SCTR: variants seen among roughly 807,000 people sequenced by gnomAD.
SCTR encodes the protein pancreatic secretin receptor.
In SCTR, 56 loss-of-function variants were observed where a neutral mutation model predicts 60.8. The observed-to-expected ratio is 0.92, with a 90% CI of 0.74 to 1.15. SCTR has a LOEUF of 1.15. Ranked by LOEUF, SCTR falls within the 50% of genes most tolerant of loss-of-function variation. The pLI is 0.00. For synonymous variants in SCTR, 202 were observed against 217.0 expected (o/e 0.93, Z 0.61); for missense variants, 562 against 550.4 (o/e 1.02, Z -0.21).
chr2:119,462,396 G>A (rs1683647911), intron 6 of SCTR, among the ~76,000 whole-genome samples: 1 of 152,200 alleles, frequency 6.6e-6, no homozygotes, highest in Admixed American at 6.5e-5. Flanking sequence ...TGAGCAAAGG[G>A]TTAAAAAAAT....
At chr2:119,494,357 CT>C in intron 2 of SCTR, 70 bp downstream of exon 2, 1 of 1,546,774 alleles carries the variant, frequency 6.5e-7, no homozygotes. Context: ...CCAGGATAAG[CT>C]CCCCCTGCCC....
intron 10 of SCTR, among the ~76,000 whole-genome samples, chr2:119,448,417 T>A (rs543483791): frequency 6.6e-6 from 1 of 152,186 alleles, no homozygotes; most frequent in Non-Finnish European, 1.5e-5. Context: ...TTGAAGCCCA[T>A]GTGGAGACTC....
chr2:119,519,469 G>C (rs1341249683), intron 1 of SCTR, among the ~76,000 whole-genome samples: 1 of 152,058 alleles, frequency 6.6e-6, no homozygotes, highest in Non-Finnish European at 1.5e-5. Flanking sequence ...CAGCTCCTTG[G>C]GCACCAGAAA....
At chr2:119,467,338 C>T (rs1355850792) in intron 4 of SCTR, among the ~76,000 whole-genome samples, 1 of 150,686 alleles carries the variant, frequency 6.6e-6, no homozygotes, top group Non-Finnish European at 1.5e-5. Context: ...GAGATTGCAC[C>T]ACTGCACTCC....
intron 4 of SCTR, among the ~76,000 whole-genome samples, chr2:119,469,629 A>G (rs1371942224): frequency 1.3e-5 from 2 of 152,180 alleles, no homozygotes; most frequent in Non-Finnish European, 2.9e-5. Flanking sequence ...AGCTAAGACT[A>G]CAGGCAAGTG....
chr2:119,522,307 A>G (rs1679312555), intron 1 of SCTR, among the ~76,000 whole-genome samples: 1 of 152,074 alleles, frequency 6.6e-6, no homozygotes, highest in Admixed American at 6.5e-5. Context: ...AAAAGAAAAA[A>G]AAAAAAGAAA....
chr2:119,464,446 T>C (rs1279522711), intron 5 of SCTR, among the ~76,000 whole-genome samples, 191 bp from the exon 6 acceptor site: 3 of 141,354 alleles, frequency 2.1e-5, no homozygotes, highest in Admixed American at 7.1e-5. Flanking sequence ...TGCTACATGC[T>C]GCAGTGAGAA....
chr2:119,444,394 CAT>C (rs1366091998), intron 11 of SCTR, among the ~76,000 whole-genome samples: 1 of 5,564 alleles, frequency 1.8e-4, no homozygotes, highest in Non-Finnish European at 3.7e-4. Flanking sequence ...TATATATACA[CAT>C]ATACGTATGA....
intron 1 of SCTR, among the ~76,000 whole-genome samples, chr2:119,517,229 G>A (rs1226546083): frequency 1.3e-5 from 2 of 151,476 alleles, no homozygotes; most frequent in African/African-American, 2.4e-5. Context: ...GCACAATCAT[G>A]GCTCACTGCA....
intron 1 of SCTR, 70 bp downstream of exon 1, chr2:119,524,085 C>T (rs1679374548): frequency 4.7e-6 from 6 of 1,278,560 alleles, no homozygotes; most frequent in African/African-American, 3.0e-5. Context: ...TGCATCCTGC[C>T]CGAGGCCGGA....
intron 2 of SCTR, among the ~76,000 whole-genome samples, chr2:119,490,919 G>C (rs1017303201): frequency 2.6e-5 from 4 of 152,324 alleles, no homozygotes; most frequent in African/African-American, 9.6e-5. Flanking sequence ...CTGACTGACA[G>C]GGCACTGGTG....
intron 11 of SCTR, 38 bp downstream of exon 11, chr2:119,446,721 C>T: frequency 1.4e-6 from 2 of 1,443,982 alleles, no homozygotes; most frequent in Admixed American, 2.3e-5. Context: ...ACAGAGAACT[C>T]CTCTTTTCAG....
chr2:119,518,087 A>T (rs573558484), intron 1 of SCTR, among the ~76,000 whole-genome samples: 5 of 152,314 alleles, frequency 3.3e-5, no homozygotes, highest in African/African-American at 1.2e-4. Context: ...TGTGCAAGCC[A>T]GGAAGAGGGT....
chr2:119,502,017 C>T (rs373056228), intron 1 of SCTR, among the ~76,000 whole-genome samples: 21 of 152,184 alleles, frequency 1.4e-4, no homozygotes, highest in African/African-American at 3.1e-4. Context: ...GCACTTTGGG[C>T]GGCCAAGGTA....
At chr2:119,489,417 A>G (rs1391114109) in intron 2 of SCTR, among the ~76,000 whole-genome samples, 1 of 152,146 alleles carries the variant, frequency 6.6e-6, no homozygotes, top group Non-Finnish European at 1.5e-5. Flanking sequence ...GTCAGTCAAC[A>G]AACACACACT....
In SCTR at chr2:119,472,684, C is replaced by G. The variant is rs371504162; in HGVS notation, c.405+769G>C. ...GGGCTCAATCCTGTCCTCCATTGCC[C>G]AGGTTAGAGTGCAGCGACACAATCA... On this transcript the variant is annotated intron_variant, in intron 4 of 12. Coordinates refer to ENST00000019103, the MANE Select transcript of SCTR (RefSeq NM_002980.3). Among the ~76,000 whole-genome samples the G allele has an allele frequency of 1.1e-4, 16 of 152,274 alleles. No individual in the cohort carries two copies. In the East Asian group the frequency reaches 2.7e-3, roughly 26 times the overall value.
At chr2:119,474,296 A>G (rs1237925653) in intron 3 of SCTR, among the ~76,000 whole-genome samples, 3 of 152,162 alleles carry the variant, frequency 2.0e-5, no homozygotes, top group Non-Finnish European at 2.9e-5. Context: ...TTGAATGGGG[A>G]TAAAGAGCCT....
chr2:119,469,786 C>T (rs1344521028), intron 4 of SCTR, among the ~76,000 whole-genome samples: 1 of 152,206 alleles, frequency 6.6e-6, no homozygotes, highest in Non-Finnish European at 1.5e-5. Context: ...AGCCACCACA[C>T]CCAGCCAGTC....
intron 2 of SCTR, among the ~76,000 whole-genome samples, chr2:119,482,588 AGAG>A (rs1245618929): frequency 6.6e-6 from 1 of 152,214 alleles, no homozygotes; most frequent in Non-Finnish European, 1.5e-5. Context: ...TTCACCTGCA[AGAG>A]GAGGAGCCGG....
Sources: allele counts gnomAD v4.1 joint callset (sites outside exome capture counted in the v4.1 genomes callset), GRCh38; gene constraint gnomAD v4.1.1; transcripts MANE v1.5; gene names NCBI Gene and HGNC (gene_info 2026-07-23, HGNC 2026-07-21).